Variants in PSMD11 observed in about 807,000 individuals in gnomAD.
PSMD11 encodes the protein proteasome 26S subunit, non-ATPase 11.
A neutral mutation model predicts 62.3 loss-of-function variants in PSMD11; 5 were observed. The observed-to-expected ratio is 0.08, with a 90% CI of 0.04 to 0.17. The LOEUF (loss-of-function observed/expected upper bound fraction) is 0.17. Ranked by LOEUF, PSMD11 falls within the 10% of genes least tolerant of loss-of-function variation. The pLI, the probability that PSMD11 is intolerant of heterozygous loss-of-function variation, is 1.00. For missense variants in PSMD11, 310 were observed against 512.9 expected (o/e 0.60, Z 3.82); for synonymous variants, 191 against 191.8 (o/e 1.00, Z 0.03).
chr17:32,467,965 T>G (rs576861724), intron 5 of PSMD11, among the ~76,000 whole-genome samples: 1 of 152,200 alleles, frequency 6.6e-6, no homozygotes, highest in Admixed American at 6.5e-5. Flanking sequence ...CCTCCCACCC[T>G]CTGATAGGCC....
rs1035123561 is a variant in PSMD11, at chr17:32,483,061, C to G, written c.*2309C>G. On this transcript the variant is annotated 3_prime_UTR_variant, in exon 14 of 14. Transcript: ENST00000261712. ...TCAGGCAGTAGCCCTTTTCTCAGTT[C>G]CCTTTGCGGGTCTTGGTCAGATGAT... The G allele has an allele frequency of 6.6e-6, 1 of 152,152 alleles. No individual in the cohort carries two copies. The highest frequency in any genetic ancestry group is 1.5e-5 in the Non-Finnish European group (1 of 68,042). The allele number at this position is 152,152 out of a possible 1,614,324, so 9.4% of individuals were successfully genotyped here.
At chr17:32,449,666 C>T (rs555250989) in intron 2 of PSMD11, among the ~76,000 whole-genome samples, 1 of 152,266 alleles carries the variant, frequency 6.6e-6, no homozygotes, top group South Asian at 2.1e-4. Flanking sequence ...AAAAACATTT[C>T]CATGTTACTT....
intron 5 of PSMD11, among the ~76,000 whole-genome samples, chr17:32,466,187 G>T (rs1403518067): frequency 6.6e-6 from 1 of 152,180 alleles, no homozygotes; most frequent in African/African-American, 2.4e-5. Context: ...AGTAGAGATG[G>T]GGTTTCACCA....
intron 11 of PSMD11, 128 bp downstream of exon 11, chr17:32,480,014 A>G (rs1370650818): frequency 6.8e-7 from 1 of 1,472,286 alleles, no homozygotes; most frequent in Non-Finnish European, 9.5e-7. Flanking sequence ...AGTGTGGACT[A>G]GAGTAGGAGT....
At chr17:32,467,842 T>C (rs1225547568) in intron 5 of PSMD11, among the ~76,000 whole-genome samples, 1 of 152,202 alleles carries the variant, frequency 6.6e-6, no homozygotes, top group Non-Finnish European at 1.5e-5. Flanking sequence ...GTCGGGTACA[T>C]GTGCAGGTTT....
chr17:32,475,339 T>C (rs1363198048), intron 8 of PSMD11, among the ~76,000 whole-genome samples: 1 of 152,060 alleles, frequency 6.6e-6, no homozygotes, highest in Non-Finnish European at 1.5e-5. Context: ...CCCTTTTTTT[T>C]TTTTTGTTAC....
At chr17:32,466,354 ATT>A (rs1907993177) in intron 5 of PSMD11, among the ~76,000 whole-genome samples, 2 of 152,100 alleles carry the variant, frequency 1.3e-5, no homozygotes, top group African/African-American at 4.8e-5. Context: ...GCCCTGGGCG[ATT>A]ACTAAGCTAT....
chr17:32,454,034 A>C (rs1012460276), intron 2 of PSMD11, among the ~76,000 whole-genome samples: 1 of 152,228 alleles, frequency 6.6e-6, no homozygotes, highest in Non-Finnish European at 1.5e-5. Context: ...TGGAGTAGAA[A>C]ATCTCTGTCT....
rs539157527 is a variant in PSMD11, at chr17:32,448,758, A to G, written c.193+1712A>G. Reference sequence around the variant, plus strand: ...GAAGTAGGTTTTGTTACCATTTTACACATGAGGATACTGAGCACAGAAAAG... The same window carrying G: ...GAAGTAGGTTTTGTTACCATTTTACGCATGAGGATACTGAGCACAGAAAAG... On this transcript the variant is annotated intron_variant, in intron 2 of 13. Coordinates refer to ENST00000261712, the MANE Select transcript of PSMD11 (RefSeq NM_002815.4). 2.6e-5 allele frequency among the ~76,000 whole-genome samples: 4 copies of G among 152,318 alleles called. No individual in the cohort carries two copies. In the South Asian group the frequency reaches 8.3e-4, roughly 32 times the overall value.
intron 6 of PSMD11, 65 bp from the exon 7 acceptor site, chr17:32,473,736 C>A: frequency 6.4e-7 from 1 of 1,563,578 alleles, no homozygotes; most frequent in Non-Finnish European, 8.8e-7. Context: ...AAGCTGCCTC[C>A]CAGCTCTGAT....
intron 3 of PSMD11, among the ~76,000 whole-genome samples, chr17:32,456,143 CAAA>C (rs551469411): frequency 8.6e-5 from 5 of 58,244 alleles, no homozygotes; most frequent in Non-Finnish European, 7.1e-5. Flanking sequence ...GACTCTGTCT[CAAA>C]AAAAAAAAAA....
At chr17:32,459,299 G>A (rs1907754269) in intron 3 of PSMD11, among the ~76,000 whole-genome samples, 1 of 151,830 alleles carries the variant, frequency 6.6e-6, no homozygotes, top group Non-Finnish European at 1.5e-5. Flanking sequence ...GCTCACTGCA[G>A]CCTCAACTTC....
rs201116985 is a variant in PSMD11, at chr17:32,479,348, G to T, written c.1010G>T (p.Arg337Leu). ...AACTTACTAGAACAGAATCTGATCC[G>T]AGTCATTGAGCCTTTTTCCAGAGTA... is the stretch of plus-strand genomic sequence containing the variant. ...YDNLLEQNLI[R>L]VIEPFSRVQI... Residue 337 changes from arginine (R) to leucine (L), a missense_variant, in exon 10 of 14, where the codon CGA (arginine) becomes CTA (leucine). Transcript: ENST00000261712. 6.2e-7 allele frequency: 1 copy of T among 1,614,164 alleles called. No homozygotes were observed.
intron 7 of PSMD11, 37 bp downstream of exon 7, chr17:32,473,982 A>C: frequency 5.0e-6 from 8 of 1,608,834 alleles, no homozygotes; most frequent in Non-Finnish European, 5.9e-6. Context: ...AAGAACTCAG[A>C]TCCTTCAGCA....
At chr17:32,458,683 C>CCA (rs1907720520) in intron 3 of PSMD11, among the ~76,000 whole-genome samples, 1 of 152,210 alleles carries the variant, frequency 6.6e-6, no homozygotes. Context: ...AATTCCTTAA[C>CCA]CATGGCTACC....
At chr17:32,445,572 C>G (rs1338863350) in intron 1 of PSMD11, 3 of 152,198 alleles carry the variant, frequency 2.0e-5, no homozygotes, top group Non-Finnish European at 4.4e-5. Flanking sequence ...CAGAAGAAGA[C>G]GTTAATGTTC....
At chr17:32,460,683 G>T (rs1420953715) in intron 3 of PSMD11, among the ~76,000 whole-genome samples, 2 of 150,888 alleles carry the variant, frequency 1.3e-5, no homozygotes, top group Non-Finnish European at 2.9e-5. Context: ...TGAGGCAGGA[G>T]AATGGCGTGA....
At chr17:32,466,286 C>T (rs1459126625) in intron 5 of PSMD11, among the ~76,000 whole-genome samples, 1 of 152,158 alleles carries the variant, frequency 6.6e-6, no homozygotes, top group Non-Finnish European at 1.5e-5. Context: ...TGTGAGCTAC[C>T]GTGCCTGGCC....
At chr17:32,467,054 C>A (rs953076942) in intron 5 of PSMD11, among the ~76,000 whole-genome samples, 12 of 151,960 alleles carry the variant, frequency 7.9e-5, no homozygotes, top group Middle Eastern at 3.4e-3. Context: ...AAGCAATTCT[C>A]CTGCCTCAGC....
Sources: allele counts gnomAD v4.1 joint callset (sites outside exome capture counted in the v4.1 genomes callset), GRCh38; gene constraint gnomAD v4.1.1; transcripts MANE v1.5; gene names NCBI Gene and HGNC (gene_info 2026-07-23, HGNC 2026-07-21).